The following SLC9A9 variants were observed in gnomAD, a reference collection of about 807,000 sequenced individuals.
The protein encoded by SLC9A9 is sodium/hydrogen exchanger 9.
Under a neutral mutation model 77.8 loss-of-function variants are expected in SLC9A9, and 62 were observed. That is an observed-to-expected ratio of 0.80 (90% CI 0.65 to 0.98). The LOEUF (loss-of-function observed/expected upper bound fraction) is 0.98, where lower values mean the gene tolerates loss of function less well. SLC9A9 is among the 50% of genes least tolerant of loss of function. The probability of loss-of-function intolerance (pLI) is 0.00; values close to 1 mark genes in which losing one functional copy is unlikely to be tolerated. For missense variants in SLC9A9, 775 were observed against 774.9 expected (o/e 1.00, Z 0.00); for synonymous variants, 320 against 283.5 (o/e 1.13, Z -1.29).
chr3:143,485,342 C>T (rs894258885), intron 11 of SLC9A9, among the ~76,000 whole-genome samples: 3 of 152,146 alleles, frequency 2.0e-5, no homozygotes, highest in Non-Finnish European at 4.4e-5. Context: ...AGGGCCAGGA[C>T]CCTTTTAATT....
At chr3:143,389,981 T>C (rs2033519375) in intron 12 of SLC9A9, among the ~76,000 whole-genome samples, 1 of 152,234 alleles carries the variant, frequency 6.6e-6, no homozygotes, top group South Asian at 2.1e-4. Context: ...CTGAGAGCAG[T>C]GGTGCCCCTC....
intron 2 of SLC9A9, among the ~76,000 whole-genome samples, chr3:143,801,297 A>G (rs1034003144): frequency 6.6e-6 from 1 of 152,210 alleles, no homozygotes; most frequent in Non-Finnish European, 1.5e-5. Context: ...TAGACTGGCC[A>G]TGATGTCTCC....
intron 14 of SLC9A9, among the ~76,000 whole-genome samples, chr3:143,283,603 C>A (rs1341865389): frequency 3.9e-5 from 6 of 152,212 alleles, no homozygotes; most frequent in Non-Finnish European, 8.8e-5. Flanking sequence ...CCTCCCAAAC[C>A]ACTTTGGAAG....
intron 5 of SLC9A9, among the ~76,000 whole-genome samples, chr3:143,692,584 G>A (rs961637677): frequency 2.6e-5 from 4 of 152,066 alleles, no homozygotes; most frequent in African/African-American, 9.7e-5. Flanking sequence ...TGCTTGAAAA[G>A]TACCACAGTA....
At chr3:143,488,270 T>G (rs889886389) in intron 11 of SLC9A9, among the ~76,000 whole-genome samples, 5 of 151,908 alleles carry the variant, frequency 3.3e-5, no homozygotes, top group Non-Finnish European at 5.9e-5. Flanking sequence ...AAAAATCTCC[T>G]CACAAAGAAA....
chr3:143,624,843 A>G (rs985830014), intron 6 of SLC9A9, among the ~76,000 whole-genome samples: 3 of 152,240 alleles, frequency 2.0e-5, no homozygotes, highest in Admixed American at 6.5e-5. Context: ...TGCAGATGAC[A>G]TGATTGTATA....
chr3:143,752,171 C>T (rs1483620727), intron 4 of SLC9A9, among the ~76,000 whole-genome samples: 1 of 152,138 alleles, frequency 6.6e-6, no homozygotes, highest in African/African-American at 2.4e-5. Flanking sequence ...TGCACACCAC[C>T]CCATCCTTAT....
intron 14 of SLC9A9, among the ~76,000 whole-genome samples, chr3:143,270,321 G>A (rs1163792125): frequency 2.6e-5 from 4 of 152,104 alleles, no homozygotes; most frequent in Non-Finnish European, 5.9e-5. Flanking sequence ...AGGAATTGAG[G>A]CCTAGAGATA....
intron 14 of SLC9A9, among the ~76,000 whole-genome samples, chr3:143,306,664 C>T (rs1323580562): frequency 6.6e-6 from 1 of 152,194 alleles, no homozygotes; most frequent in Admixed American, 6.5e-5. Context: ...TCAGCAGCAC[C>T]TCCTGCTTGG....
intron 4 of SLC9A9, among the ~76,000 whole-genome samples, chr3:143,749,840 G>T (rs1351600508): frequency 6.6e-6 from 1 of 152,102 alleles, no homozygotes. Flanking sequence ...TGAGAACTGC[G>T]GGCTAGACTA....
At chr3:143,520,918 A>T (rs987661139) in intron 9 of SLC9A9, among the ~76,000 whole-genome samples, 4 of 152,224 alleles carry the variant, frequency 2.6e-5, no homozygotes, top group Non-Finnish European at 5.9e-5. Flanking sequence ...GCTGATTTTT[A>T]AATTAATGGG....
intron 1 of SLC9A9, among the ~76,000 whole-genome samples, chr3:143,840,573 T>C (rs1210947418): frequency 6.6e-6 from 1 of 152,228 alleles, no homozygotes; most frequent in African/African-American, 2.4e-5. Flanking sequence ...AGGCTTGGAA[T>C]ATTTCAACTC....
At chr3:143,518,288 G>T in intron 9 of SLC9A9, 1 of 1,211,692 alleles carries the variant, frequency 8.3e-7, no homozygotes, top group Non-Finnish European at 1.2e-6. Flanking sequence ...CCCAGGCGCT[G>T]GCTCAGCGTG....
intron 14 of SLC9A9, among the ~76,000 whole-genome samples, chr3:143,292,361 G>A (rs1299992626): frequency 1.3e-5 from 2 of 152,176 alleles, no homozygotes; most frequent in African/African-American, 4.8e-5. Context: ...ACAGATAACA[G>A]CTTGTGGACT....
intron 6 of SLC9A9, among the ~76,000 whole-genome samples, chr3:143,636,151 A>G (rs1328298995): frequency 5.9e-5 from 9 of 152,036 alleles, no homozygotes; most frequent in Admixed American, 5.9e-4. Flanking sequence ...AGCTCTCCTT[A>G]TTGTTTGTGG....
intron 14 of SLC9A9, among the ~76,000 whole-genome samples, chr3:143,358,021 T>C (rs2032642040): frequency 1.9e-5 from 2 of 106,848 alleles, no homozygotes; most frequent in Admixed American, 1.8e-4. Flanking sequence ...AAGGTTTTTC[T>C]TTCCTTTTTT....
At chr3:143,624,550 T>C (rs554196213) in intron 6 of SLC9A9, among the ~76,000 whole-genome samples, 5 of 152,254 alleles carry the variant, frequency 3.3e-5, no homozygotes, top group African/African-American at 1.2e-4. Flanking sequence ...AAAAGGCCTT[T>C]GACAAAATTC....
intron 8 of SLC9A9, among the ~76,000 whole-genome samples, chr3:143,571,156 T>A (rs2037252542): frequency 6.6e-6 from 1 of 152,152 alleles, no homozygotes; most frequent in African/African-American, 2.4e-5. Flanking sequence ...TGCTGAGAAA[T>A]CATTCCATGT....
intron 9 of SLC9A9, among the ~76,000 whole-genome samples, chr3:143,511,725 G>A (rs926803660): frequency 1.3e-5 from 2 of 152,166 alleles, no homozygotes; most frequent in Admixed American, 6.5e-5. Flanking sequence ...CAGCCTCTCT[G>A]TGAAGTGGCA....
Sources: gnomAD v4.1 joint callset for allele counts (sites outside exome capture counted in the v4.1 genomes callset) on GRCh38, gnomAD v4.1.1 for gene constraint, MANE v1.5 for transcripts, NCBI Gene and HGNC (gene_info 2026-07-23, HGNC 2026-07-21) for gene names.